Variants in KANSL3 observed in about 807,000 individuals in gnomAD.
KANSL3 encodes KAT8 regulatory NSL complex subunit 3, also known as NSL complex protein NSL3.
In KANSL3, 16 loss-of-function variants were observed where a neutral mutation model predicts 89.2. That is an observed-to-expected ratio of 0.18 (90% CI 0.12 to 0.27). KANSL3 has a LOEUF of 0.27. Among genes scored for constraint, KANSL3 ranks in the 10% least tolerant of loss-of-function variants. The probability of loss-of-function intolerance (pLI) is 1.00; values close to 1 mark genes in which losing one functional copy is unlikely to be tolerated. For synonymous variants in KANSL3, 385 were observed against 419.7 expected (o/e 0.92, Z 1.01); for missense variants, 879 against 1,110.6 (o/e 0.79, Z 2.96).
chr2:96,618,958 T>A (rs1365932973), intron 5 of KANSL3, among the ~76,000 whole-genome samples: 1 of 152,256 alleles, frequency 6.6e-6, no homozygotes, highest in African/African-American at 2.4e-5. Flanking sequence ...ATTGAAGGCA[T>A]CACGGCACGT....
intron 3 of KANSL3, among the ~76,000 whole-genome samples, chr2:96,621,632 T>A (rs1573538072): frequency 6.7e-6 from 1 of 150,208 alleles, no homozygotes; most frequent in East Asian, 2.0e-4. Flanking sequence ...CAGGGCAACA[T>A]GTCTCTCAAA....
At chr2:96,623,895 A>T (rs771691432) in intron 3 of KANSL3, among the ~76,000 whole-genome samples, 12 of 152,374 alleles carry the variant, frequency 7.9e-5, no homozygotes, top group Middle Eastern at 3.4e-3. Flanking sequence ...CATCTTCAGA[A>T]GCTTTCCTTG....
At chr2:96,582,507 T>C in the KANSL3 span, among the ~76,000 whole-genome samples, 1 of 152,234 alleles carries the variant, frequency 6.6e-6, no homozygotes. Flanking sequence ...TGACAGAATT[T>C]CCATTTGGCT....
At position 96,594,386 on chromosome 2, in the gene KANSL3, G is replaced by A. The variant is rs2066396000; in HGVS notation, c.*1225C>T. On this transcript the variant is annotated 3_prime_UTR_variant, in exon 21 of 21. Coordinates refer to ENST00000431828, the MANE Select transcript of KANSL3 (RefSeq NM_001115016.3). ...TCTTTGCACACAAGTGTTGTGAAGA[G>A]GTAAGCAGGGGATCAGAGCTCCATC... 1 of 152,204 alleles carries A rather than the reference G, an allele frequency of 6.6e-6. No homozygotes were observed. Among genetic ancestry groups the A allele is most frequent in the African/African-American group, 2.4e-5 (1 of 41,432 alleles). The allele number at this position is 152,204 out of a possible 1,614,324, so 9.4% of individuals were successfully genotyped here. A position where few individuals can be genotyped will look rare whatever the true frequency, so the allele number is the denominator to read the frequency against.
At chr2:96,622,759 C>T (rs2071543475) in intron 3 of KANSL3, among the ~76,000 whole-genome samples, 1 of 152,200 alleles carries the variant, frequency 6.6e-6, no homozygotes, top group Non-Finnish European at 1.5e-5. Flanking sequence ...AGTCACGCCG[C>T]CTTCCCTCAC....
intron 15 of KANSL3, 58 bp from the exon 16 acceptor site, chr2:96,604,921 A>C (rs2067752152): frequency 7.2e-7 from 1 of 1,389,464 alleles, no homozygotes. Context: ...CTATGTTTCC[A>C]GGTTCCACAG....
chr2:96,588,058 A>T, the KANSL3 span, among the ~76,000 whole-genome samples: 10 of 152,296 alleles, frequency 6.6e-5, no homozygotes, highest in East Asian at 1.9e-3. Flanking sequence ...TGGGGGCATG[A>T]TGCAGAGGAA....
intron 2 of KANSL3, 178 bp from the exon 3 acceptor site, chr2:96,631,660 GC>G: frequency 1.4e-6 from 1 of 730,228 alleles, no homozygotes; most frequent in East Asian, 2.7e-5. Context: ...CTAGATCTCT[GC>G]CCTCTCAGAC....
the KANSL3 span, among the ~76,000 whole-genome samples, chr2:96,586,501 T>C: frequency 1.3e-5 from 2 of 152,256 alleles, no homozygotes; most frequent in African/African-American, 2.4e-5. Flanking sequence ...TGAGACTCCA[T>C]GTGAATGCTT....
At chr2:96,619,840 ATGCCATAGTTT>A in intron 3 of KANSL3, 78 bp from the exon 4 acceptor site, 2 of 1,150,378 alleles carry the variant, frequency 1.7e-6, no homozygotes, top group Non-Finnish European at 2.5e-6. Flanking sequence ...AAAGAAGATT[ATGCCATAGTTT>A]TATGTCTCTG....
intron 20 of KANSL3, chr2:96,600,877 C>G: frequency 1.0e-6 from 1 of 985,350 alleles, no homozygotes; most frequent in African/African-American, 1.7e-5. Context: ...GCTAGAAAGC[C>G]AATGTCAAAG....
At chr2:96,619,237 C>T (rs1211373386) in intron 5 of KANSL3, 122 bp downstream of exon 5, 5 of 796,492 alleles carry the variant, frequency 6.3e-6, no homozygotes, top group Admixed American at 2.9e-5. Flanking sequence ...AGTACCAAAC[C>T]CATTAGTTTT....
At chr2:96,610,114 A>G (rs2068658520) in intron 11 of KANSL3, among the ~76,000 whole-genome samples, 1 of 152,038 alleles carries the variant, frequency 6.6e-6, no homozygotes, top group Non-Finnish European at 1.5e-5. Context: ...GAAACAACTG[A>G]TGAAACATGA....
At chr2:96,581,859 T>C in the KANSL3 span, among the ~76,000 whole-genome samples, 1 of 152,194 alleles carries the variant, frequency 6.6e-6, no homozygotes, top group Non-Finnish European at 1.5e-5. Flanking sequence ...ATCCATATCC[T>C]ATCACTGAGG....
downstream of KANSL3, among the ~76,000 whole-genome samples, chr2:96,589,962 G>A (rs989540386): frequency 6.7e-5 from 10 of 150,064 alleles, no homozygotes; most frequent in Non-Finnish European, 1.0e-4. Context: ...CAGCCTGGCC[G>A]ACGTGGTGAA....
At chr2:96,628,059 C>T in intron 3 of KANSL3, 4 of 1,290,404 alleles carry the variant, frequency 3.1e-6, no homozygotes, top group Non-Finnish European at 4.0e-6. Flanking sequence ...AATGTCATAA[C>T]AGAAGGGTGG....
At chr2:96,590,750 G>A (rs1027949825), downstream of KANSL3, among the ~76,000 whole-genome samples, 2 of 152,144 alleles carry the variant, frequency 1.3e-5, no homozygotes, top group Non-Finnish European at 2.9e-5. Context: ...TTGGGAGGCC[G>A]AGGCAGGAGG....
intron 3 of KANSL3, chr2:96,628,314 C>T: frequency 1.1e-6 from 1 of 910,944 alleles, no homozygotes; most frequent in East Asian, 1.2e-4. Flanking sequence ...GGCCAGGCCA[C>T]CCCAGTGTCT....
rs1395905106 is a variant in KANSL3, at chr2:96,595,395, C to G, written c.*216G>C. 1 of 528,902 alleles carries G rather than the reference C, an allele frequency of 1.9e-6. No individual in the cohort carries two copies. The highest frequency in any genetic ancestry group is 3.4e-6 in the Non-Finnish European group (1 of 294,492). 32.8% of individuals were successfully genotyped at this position (528,902 alleles called of 1,614,324 possible). On this transcript the variant is annotated 3_prime_UTR_variant, in exon 21 of 21. Coordinates refer to ENST00000431828, the MANE Select transcript of KANSL3 (RefSeq NM_001115016.3). ...TGAGGAGTCTGGGGTTCCCAGGAAC[C>G]AGATTTGCAGATCCTGGACGATGGT...
Sources: allele counts gnomAD v4.1 joint callset (sites outside exome capture counted in the v4.1 genomes callset), GRCh38; gene constraint gnomAD v4.1.1; transcripts MANE v1.5; gene names NCBI Gene and HGNC (gene_info 2026-07-23, HGNC 2026-07-21).